The following XKR4 variants were observed in gnomAD, a reference collection of about 807,000 sequenced individuals.
XKR4 encodes the protein XK related 4.
XKR4 carries 12 observed loss-of-function variants against 53.9 expected under a neutral mutation model. That is an observed-to-expected ratio of 0.22 (90% CI 0.14 to 0.36). XKR4 has a LOEUF of 0.36. Ranked by LOEUF, XKR4 falls within the 10% of genes least tolerant of loss-of-function variation. The pLI is 1.00. For missense variants in XKR4, 799 were observed against 859.5 expected, an observed-to-expected ratio of 0.93 and a Z score of 0.88; for synonymous variants, 354 against 362.4, an observed-to-expected ratio of 0.98 and a Z score of 0.26.
chr8:55,418,474 C>T (rs990770017), intron 2 of XKR4, among the ~76,000 whole-genome samples: 1 of 152,148 alleles, frequency 6.6e-6, no homozygotes, highest in African/African-American at 2.4e-5. Context: ...AAAAATAGGT[C>T]CAGAATTCAG....
At chr8:55,466,811 A>T (rs1193121501) in intron 2 of XKR4, among the ~76,000 whole-genome samples, 1 of 152,174 alleles carries the variant, frequency 6.6e-6, no homozygotes, top group Non-Finnish European at 1.5e-5. Context: ...AAGTGATTCT[A>T]AAATAAACAT....
chr8:55,329,751 T>C (rs1255472402), intron 1 of XKR4, among the ~76,000 whole-genome samples: 2 of 152,172 alleles, frequency 1.3e-5, no homozygotes, highest in African/African-American at 2.4e-5. Flanking sequence ...TGCAAATAAA[T>C]CCTATTGTTT....
chr8:55,445,959 C>A (rs1805340611), intron 2 of XKR4, among the ~76,000 whole-genome samples: 1 of 152,224 alleles, frequency 6.6e-6, no homozygotes, highest in Non-Finnish European at 1.5e-5. Context: ...CTGCATACTT[C>A]TGAGAATCTT....
rs1585958817 is a variant in XKR4, at chr8:55,237,764, T to C, written c.807-119914T>C. The stretch of plus-strand genomic sequence containing the variant: ...TAATTGATTTTATCCTGATGTAGTA[T>C]GTGAAAATCCATCAAGTATAAAAGA... On this transcript the variant is annotated intron_variant, in intron 1 of 2. Transcript: ENST00000327381. Among the ~76,000 whole-genome samples, 3 of 152,224 alleles carry C rather than the reference T, an allele frequency of 2.0e-5. No homozygotes were observed. The East Asian group carries it at 5.8e-4, about 29-fold the overall frequency.
chr8:55,462,348 C>A (rs567973482), intron 2 of XKR4, among the ~76,000 whole-genome samples: 5 of 152,224 alleles, frequency 3.3e-5, no homozygotes, highest in Admixed American at 3.3e-4. Flanking sequence ...GAATTTTCAA[C>A]CCAGAATTTC....
At chr8:55,383,908 A>G (rs565167922) in intron 2 of XKR4, among the ~76,000 whole-genome samples, 32 of 152,272 alleles carry the variant, frequency 2.1e-4, no homozygotes, top group African/African-American at 7.5e-4. Context: ...CCTTCTACAC[A>G]ATACGGCAAA....
At position 55,332,208 on chromosome 8, in the gene XKR4, A is replaced by C. The variant is rs189413634; in HGVS notation, c.807-25470A>C. On this transcript the variant is annotated intron_variant, in intron 1 of 2. Coordinates refer to ENST00000327381, the MANE Select transcript of XKR4 (RefSeq NM_052898.2). Reference sequence around the variant, plus strand: ...CACACACAAAAACTACTCTTTTACAACTGTACTCATTCACTTTTTATTATG... The same window carrying C: ...CACACACAAAAACTACTCTTTTACACCTGTACTCATTCACTTTTTATTATG... 1.1e-3 allele frequency among the ~76,000 whole-genome samples: 162 copies of C among 152,256 alleles called. 1 individual carries two copies. Among genetic ancestry groups the C allele is most frequent in the African/African-American group, 3.8e-3 (156 of 41,568 alleles).
At chr8:55,484,930 C>A (rs893544300) in intron 2 of XKR4, among the ~76,000 whole-genome samples, 3 of 152,224 alleles carry the variant, frequency 2.0e-5, no homozygotes, top group Admixed American at 6.5e-5. Context: ...ACCATCAGCT[C>A]TCCTGGATCT....
At chr8:55,452,067 A>G in intron 2 of XKR4, 1 of 705,180 alleles carries the variant, frequency 1.4e-6, no homozygotes, top group Non-Finnish European at 2.6e-6. Flanking sequence ...GTTCTTGGTG[A>G]CTCGGGGTGG....
intron 2 of XKR4, among the ~76,000 whole-genome samples, chr8:55,463,588 G>A (rs1249944236): frequency 1.1e-4 from 16 of 151,940 alleles, no homozygotes; most frequent in African/African-American, 2.2e-4. Flanking sequence ...GAGCAAACAC[G>A]TTCAAAAGCT....
At chr8:55,114,591 G>A (rs1256000898) in intron 1 of XKR4, among the ~76,000 whole-genome samples, 1 of 152,188 alleles carries the variant, frequency 6.6e-6, no homozygotes, top group Non-Finnish European at 1.5e-5. Context: ...GTGAGAATCT[G>A]AAATCAAGGA....
In XKR4 at chr8:55,362,630, A is replaced by G. The variant is rs556800704; in HGVS notation, c.1006+4753A>G. 2.6e-5 allele frequency among the ~76,000 whole-genome samples: 4 copies of G among 152,370 alleles called. No individual in the cohort carries two copies. The East Asian group carries it at 5.8e-4, about 22-fold the overall frequency. On this transcript the variant is annotated intron_variant, in intron 2 of 2. Transcript: ENST00000327381. The stretch of plus-strand genomic sequence containing the variant: ...CTGTCTAAATGACGCCAGCAAAGGT[A>G]GAAGGTTCATGGTCAGAGTTACCCC...
At chr8:55,219,137 G>T (rs1817846844) in intron 1 of XKR4, among the ~76,000 whole-genome samples, 1 of 152,090 alleles carries the variant, frequency 6.6e-6, no homozygotes, top group African/African-American at 2.4e-5. Flanking sequence ...AAGCAATCAG[G>T]TGCTCAGTTC....
chr8:55,132,527 C>CTT (rs778497130), intron 1 of XKR4, among the ~76,000 whole-genome samples: 4 of 152,218 alleles, frequency 2.6e-5, no homozygotes, highest in Non-Finnish European at 1.5e-5. Context: ...TGATCTCTCT[C>CTT]TGTGGCTCTC....
intron 2 of XKR4, among the ~76,000 whole-genome samples, chr8:55,397,866 G>A (rs1171249924): frequency 6.6e-6 from 1 of 152,118 alleles, no homozygotes; most frequent in African/African-American, 2.4e-5. Flanking sequence ...GCTACTCAGT[G>A]GGAGCCTGCA....
chr8:55,301,735 TC>T (rs1819202264), intron 1 of XKR4, among the ~76,000 whole-genome samples: 1 of 152,236 alleles, frequency 6.6e-6, no homozygotes, highest in Non-Finnish European at 1.5e-5. Context: ...TTTGCATTTC[TC>T]TGATGGCCAG....
Position 55,162,380 on chromosome 8 carries a change from G to A in XKR4, c.806+59086G>A, listed in dbSNP as rs57871667. 4.2e-3 allele frequency among the ~76,000 whole-genome samples: 642 copies of A among 152,224 alleles called. 5 individuals are homozygous for A. Among genetic ancestry groups the A allele is most frequent in the African/African-American group, 0.014 (585 of 41,524 alleles). ...TTAATGGTGAAGCCTACTGATCTTTGCCATGAGATAGACCTAAATGTTACT... is the reference window on the plus strand; with the variant it reads ...TTAATGGTGAAGCCTACTGATCTTTACCATGAGATAGACCTAAATGTTACT... On this transcript the variant is annotated intron_variant, in intron 1 of 2. Transcript: ENST00000327381.
chr8:55,105,662 A>G (rs540096247), intron 1 of XKR4, among the ~76,000 whole-genome samples: 2 of 152,336 alleles, frequency 1.3e-5, no homozygotes, highest in Admixed American at 6.5e-5. Context: ...TAATCTAACT[A>G]TTCTCAGATT....
intron 1 of XKR4, among the ~76,000 whole-genome samples, chr8:55,268,230 G>T (rs1350653737): frequency 6.6e-6 from 1 of 152,186 alleles, no homozygotes; most frequent in Non-Finnish European, 1.5e-5. Flanking sequence ...CTATGAATTA[G>T]AGTCATTCAT....
Sources: allele counts gnomAD v4.1 joint callset (sites outside exome capture counted in the v4.1 genomes callset), GRCh38; gene constraint gnomAD v4.1.1; transcripts MANE v1.5; gene names NCBI Gene and HGNC (gene_info 2026-07-23, HGNC 2026-07-21).